CD300A: variants seen among roughly 807,000 people sequenced by gnomAD.
The protein encoded by CD300A is CD300a molecule, also known as CMRF35-like molecule 8.
CD300A carries 22 observed loss-of-function variants against 33.6 expected under a neutral mutation model. The observed-to-expected ratio is 0.66, with a 90% CI of 0.47 to 0.94. The LOEUF (loss-of-function observed/expected upper bound fraction) is 0.94. CD300A is among the 40% of genes least tolerant of loss of function. CD300A has a pLI of 0.00. For synonymous variants in CD300A, 136 were observed against 148.1 expected, an observed-to-expected ratio of 0.92 and a Z score of 0.59; for missense variants, 326 against 360.5, an observed-to-expected ratio of 0.90 and a Z score of 0.77.
Position 74,481,285 on chromosome 17 carries a change from C to T in CD300A, c.629-4C>T. ...CAACCTCCTTCCTCTCCTCTTGTCTCTAGCTGGTGACCATTCAGAGCTGTC... is the reference window on the plus strand; with the variant it reads ...CAACCTCCTTCCTCTCCTCTTGTCTTTAGCTGGTGACCATTCAGAGCTGTC... On this transcript the variant is annotated splice_region_variant and splice_polypyrimidine_tract_variant and intron_variant, in intron 4 of 6. Coordinates refer to ENST00000360141, the MANE Select transcript of CD300A (RefSeq NM_007261.4). 1.2e-6 allele frequency: 2 copies of T among 1,613,866 alleles called. No homozygotes were observed. The highest frequency in any genetic ancestry group is 2.2e-5 in the South Asian group (2 of 91,078).
chr17:74,472,958 C>T (rs12325818), intron 1 of CD300A, among the ~76,000 whole-genome samples: 46 of 152,198 alleles, frequency 3.0e-4, no homozygotes, highest in African/African-American at 8.2e-4. Context: ...CCCGGGTTTG[C>T]CCCTTGGTGG....
At chr17:74,472,790 A>G (rs1436218239) in intron 1 of CD300A, among the ~76,000 whole-genome samples, 3 of 152,166 alleles carry the variant, frequency 2.0e-5, no homozygotes, top group East Asian at 1.9e-4. Context: ...TTGTATTTTT[A>G]GTAGAGACAG....
chr17:74,484,037 G>A lies in CD300A; in HGVS notation c.811G>A (p.Val271Met). 6.2e-7 allele frequency: 1 copy of A among 1,614,062 alleles called. No individual in the cohort carries two copies. The highest frequency in any genetic ancestry group is 8.5e-7 in the Non-Finnish European group (1 of 1,179,970). The part of the protein sequence containing the change: ...PREELHYASV[V>M]FDSNTNRIAA... ...GGAAGAACTTCACTATGCCTCGGTG[G>A]TGTTTGATTCTAACACCAACAGGAT... Residue 271 changes from valine to methionine, a missense_variant, in exon 7 of 7, where the codon GTG becomes ATG. Physicochemically the swap from Val to Met is conservative, Grantham distance 21 (BLOSUM62 1). Coordinates refer to ENST00000360141, the MANE Select transcript of CD300A (RefSeq NM_007261.4).
upstream of CD300A, chr17:74,466,404 T>G: frequency 2.7e-6 from 1 of 364,672 alleles, no homozygotes. Context: ...GAGTCGGGGA[T>G]CAGTCCTGCA....
intron 3 of CD300A, among the ~76,000 whole-genome samples, chr17:74,475,738 C>T (rs992832558): frequency 1.1e-4 from 16 of 152,234 alleles, no homozygotes; most frequent in East Asian, 1.9e-4. Context: ...CCCACAAGAC[C>T]GCCCTGATTT....
Position 74,473,534 on chromosome 17 carries a change from A to G in CD300A, c.41-2A>G, listed in dbSNP as rs777351807. 2.1e-5 allele frequency: 34 copies of G among 1,607,980 alleles called. No individual in the cohort carries two copies. The highest frequency in any genetic ancestry group is 2.7e-5 in the Non-Finnish European group (32 of 1,175,856). ...GCTGGGACTCTGGCTTGTGTTTTCC[A>G]GGATGTTTTGCTCTGAGCAAATGCA... On this transcript the variant is annotated splice_acceptor_variant, in intron 1 of 6. Coordinates refer to ENST00000360141, the MANE Select transcript of CD300A (RefSeq NM_007261.4). LOFTEE classifies it high-confidence loss of function.
At chr17:74,481,387 G>T in intron 5 of CD300A, 61 bp downstream of exon 5, 1 of 1,521,026 alleles carries the variant, frequency 6.6e-7, no homozygotes. Context: ...GAGGCTGCTG[G>T]GGAGTTGGAC....
chr17:74,473,592 A>AGT lies in CD300A; in HGVS notation c.101_102dup (p.Gln35CysfsTer55), dbSNP rs758135087. The AGT allele has an allele frequency of 5.3e-5, 85 of 1,614,020 alleles. No homozygotes were observed. The highest frequency in any genetic ancestry group is 6.9e-5 in the Non-Finnish European group (82 of 1,180,008). ...GGCGGGCCCCGTGGGGGGATCCCTGAGTGTGCAGTGTCCCTATGAGAAGGA... is the reference window on the plus strand; with the variant it reads ...GGCGGGCCCCGTGGGGGGATCCCTGAGTGTGTGCAGTGTCCCTATGAGAAGGA... On this transcript the variant is annotated frameshift_variant, in exon 2 of 7. Coordinates refer to ENST00000360141, the MANE Select transcript of CD300A (RefSeq NM_007261.4). LOFTEE classifies it high-confidence loss of function.
intron 3 of CD300A, among the ~76,000 whole-genome samples, chr17:74,475,690 G>C (rs980734675): frequency 1.3e-5 from 2 of 152,208 alleles, no homozygotes; most frequent in African/African-American, 4.8e-5. Flanking sequence ...AGTTAGTGCA[G>C]ACCCCACAGG....
chr17:74,478,925 T>C (rs4788839), intron 4 of CD300A, among the ~76,000 whole-genome samples: 68,854 of 151,996 alleles, frequency 0.45, 16,290 homozygotes, highest in East Asian at 0.81. Flanking sequence ...TTTCTGGTAA[T>C]CCCATCCTAA....
intron 1 of CD300A, among the ~76,000 whole-genome samples, chr17:74,469,362 TAA>T (rs879791899): frequency 1.4e-5 from 2 of 143,756 alleles, no homozygotes. Context: ...CCCCGTCTCT[TAA>T]AAAAAAAAAA....
intron 1 of CD300A, among the ~76,000 whole-genome samples, chr17:74,472,022 C>A (rs1906133632): frequency 6.6e-6 from 1 of 152,060 alleles, no homozygotes; most frequent in African/African-American, 2.4e-5. Flanking sequence ...AGGTGGATCA[C>A]CTGAGGTCAG....
chr17:74,478,295 C>T (rs2891607), intron 4 of CD300A, among the ~76,000 whole-genome samples: 86,748 of 152,134 alleles, frequency 0.57, 27,131 homozygotes, highest in African/African-American at 0.81. Context: ...GGGAACCAGA[C>T]TGTCATTGCT....
chr17:74,481,378 A>C, intron 5 of CD300A, 52 bp downstream of exon 5: 1 of 1,561,260 alleles, frequency 6.4e-7, no homozygotes, highest in Non-Finnish European at 8.8e-7. Flanking sequence ...GAGGGTACAG[A>C]GGCTGCTGGG....
In CD300A at chr17:74,480,033, G is replaced by A. The variant is rs928338861; in HGVS notation, c.629-1256G>A. Among the ~76,000 whole-genome samples the A allele has an allele frequency of 6.6e-6, 1 of 151,876 alleles. No homozygotes were observed. Among genetic ancestry groups the A allele is most frequent in the Non-Finnish European group, 1.5e-5 (1 of 67,962 alleles). On this transcript the variant is annotated intron_variant, in intron 4 of 6. Transcript: ENST00000360141. This position sits in a 1 kb window ranked among gnomAD's most constrained non-coding sequence, Gnocchi z 4.2. ...CCTTCTCACTACCACCCTCCTTCCC[G>A]GGCGTTGAACTCCTGTCTCTTCCCC...
At chr17:74,476,029 G>A (rs1906440822) in intron 3 of CD300A, among the ~76,000 whole-genome samples, 1 of 152,110 alleles carries the variant, frequency 6.6e-6, no homozygotes, top group Non-Finnish European at 1.5e-5. Context: ...CCTCCCTGCG[G>A]CACCTCAATA....
chr17:74,479,414 G>T (rs1906690227), intron 4 of CD300A, among the ~76,000 whole-genome samples: 1 of 149,182 alleles, frequency 6.7e-6, no homozygotes, highest in Admixed American at 6.6e-5. Flanking sequence ...CTGGCTAATG[G>T]TTAAATTTTT....
chr17:74,481,936 C>A, intron 6 of CD300A, 103 bp downstream of exon 6: 1 of 805,984 alleles, frequency 1.2e-6, no homozygotes, highest in Non-Finnish European at 2.0e-6. Flanking sequence ...GCTTGGTGAT[C>A]TTGTGCCTGT....
chr17:74,468,048 T>TA (rs60528290), intron 1 of CD300A, among the ~76,000 whole-genome samples: 14 of 146,672 alleles, frequency 9.5e-5, no homozygotes, highest in African/African-American at 2.4e-4. Flanking sequence ...TTTATTTATT[T>TA]TTTGAGATGG....
Sources: gnomAD v4.1 joint callset for allele counts (sites outside exome capture counted in the v4.1 genomes callset) on GRCh38, gnomAD v4.1.1 for gene constraint, Gnocchi (gnomAD v3.1) non-coding constraint, MANE v1.5 for transcripts, NCBI Gene and HGNC (gene_info 2026-07-23, HGNC 2026-07-21) for gene names.